Variants in RYR3 observed in about 807,000 individuals in gnomAD.
RYR3 encodes the protein ryanodine receptor 3.
A neutral mutation model predicts 584.3 loss-of-function variants in RYR3; 207 were observed. The observed-to-expected ratio is 0.35, with a 90% CI of 0.32 to 0.40. RYR3 has a LOEUF of 0.40. RYR3 is among the 10% of genes least tolerant of loss of function. The pLI is 1.00. For synonymous variants in RYR3, 2,416 were observed against 2,248.5 expected, an observed-to-expected ratio of 1.07 and a Z score of -2.11; for missense variants, 5,616 against 6,089.2, an observed-to-expected ratio of 0.92 and a Z score of 2.59.
intron 85 of RYR3, 76 bp from the exon 86 acceptor site, chr15:33,830,887 T>C (rs1382561707): frequency 2.0e-6 from 3 of 1,496,540 alleles, no homozygotes; most frequent in East Asian, 4.5e-5. Context: ...GATTATCATG[T>C]ACCCTTCCCA....
chr15:33,506,971 T>A (rs1410755383), intron 3 of RYR3, among the ~76,000 whole-genome samples: 1 of 152,198 alleles, frequency 6.6e-6, no homozygotes, highest in African/African-American at 2.4e-5. Flanking sequence ...GGAGCATTCT[T>A]TGCATGCCAC....
chr15:33,836,698 C>G (rs987703394), intron 87 of RYR3, among the ~76,000 whole-genome samples: 1 of 152,150 alleles, frequency 6.6e-6, no homozygotes, highest in Non-Finnish European at 1.5e-5. Flanking sequence ...TGTAAAGGAG[C>G]TTTGTTGGAT....
chr15:33,724,020 T>C, intron 44 of RYR3, 45 bp from the exon 45 acceptor site: 2 of 1,069,558 alleles, frequency 1.9e-6, no homozygotes. Context: ...AGCATGGCAG[T>C]GCCTGCCAAC....
At chr15:33,423,879 ATTC>A (rs1384893701) in intron 1 of RYR3, among the ~76,000 whole-genome samples, 1 of 152,196 alleles carries the variant, frequency 6.6e-6, no homozygotes, top group East Asian at 1.9e-4. Flanking sequence ...CAGTTGAAGC[ATTC>A]TTCTAAAAAT....
At chr15:33,839,174 C>T (rs1213385977) in intron 89 of RYR3, among the ~76,000 whole-genome samples, 3 of 152,090 alleles carry the variant, frequency 2.0e-5, no homozygotes, top group Admixed American at 6.5e-5. Flanking sequence ...ATTGGTTGGT[C>T]GTCTAGTTTA....
At chr15:33,810,768 A>C in intron 71 of RYR3, 119 bp downstream of exon 71, 1 of 1,300,170 alleles carries the variant, frequency 7.7e-7, no homozygotes, top group Non-Finnish European at 1.1e-6. Flanking sequence ...CGCAGAAACC[A>C]GTGTGTATGG....
intron 2 of RYR3, among the ~76,000 whole-genome samples, chr15:33,486,439 A>G (rs1375451338): frequency 1.3e-5 from 2 of 152,164 alleles, no homozygotes; most frequent in African/African-American, 2.4e-5. Flanking sequence ...TTGTTCGTAT[A>G]AAGGACATCA....
At chr15:33,820,538 C>T (rs2077051370) in intron 77 of RYR3, among the ~76,000 whole-genome samples, 1 of 152,192 alleles carries the variant, frequency 6.6e-6, no homozygotes, top group South Asian at 2.1e-4. Flanking sequence ...TCTGTGTTCT[C>T]ATTTCTCATT....
At position 33,412,573 on chromosome 15, in the gene RYR3, G is replaced by A. The variant is rs577339360; in HGVS notation, c.52-60846G>A. On this transcript the variant is annotated intron_variant, in intron 1 of 103. Coordinates refer to ENST00000634891, the MANE Select transcript of RYR3 (RefSeq NM_001036.6). The surrounding 1 kb of genome is among the most constrained non-coding windows in gnomAD (Gnocchi z 4.3). ...GGAGAGCCCCACGGTTTCTCTTCTG[G>A]GTCTAGGGTTTGTCACCAGGCCCAG... is the stretch of plus-strand genomic sequence containing the variant. Among the ~76,000 whole-genome samples, 1 of 152,162 alleles carries A rather than the reference G, an allele frequency of 6.6e-6. No individual in the cohort carries two copies. Among genetic ancestry groups the A allele is most frequent in the South Asian group, 2.1e-4 (1 of 4,810 alleles).
chr15:33,649,082 A>G lies in RYR3; in HGVS notation c.3989A>G (p.Tyr1330Cys). 1 of 1,613,146 alleles carries G rather than the reference A, an allele frequency of 6.2e-7. No individual in the cohort carries two copies. The highest frequency in any genetic ancestry group is 1.7e-5 in the Admixed American group (1 of 60,024). ...ILSHTTTQCY[Y>C]AIRIFAGQDP... Reference sequence around the variant, plus strand: ...GCGGTCTCTCCACAGCAGTGCTACTACGCCATCCGCATCTTTGCTGGACAG... The same window carrying G: ...GCGGTCTCTCCACAGCAGTGCTACTGCGCCATCCGCATCTTTGCTGGACAG... Residue 1330 changes from tyrosine (Y) to cysteine (C), a missense_variant, in exon 31 of 104, where the codon TAC (tyrosine) becomes TGC (cysteine). By Grantham distance (194) the Tyr-to-Cys change is radical (BLOSUM62 -2). Coordinates refer to ENST00000634891, the MANE Select transcript of RYR3 (RefSeq NM_001036.6).
At chr15:33,598,850 G>C (rs559575549) in intron 16 of RYR3, among the ~76,000 whole-genome samples, 2 of 151,994 alleles carry the variant, frequency 1.3e-5, no homozygotes, top group African/African-American at 2.4e-5. Context: ...TCAGGAGATC[G>C]AGACCATCCT....
chr15:33,500,672 G>A (rs539714340), intron 2 of RYR3, among the ~76,000 whole-genome samples: 79 of 152,200 alleles, frequency 5.2e-4, no homozygotes, highest in African/African-American at 1.7e-3. Flanking sequence ...CACTTGCCCC[G>A]TGCCTGCCAG....
rs368335335 is a variant in RYR3, at chr15:33,659,825, A to T, written c.4395+19A>T. On this transcript the variant is annotated intron_variant, in intron 33 of 103. Transcript: ENST00000634891. ...GCTGAAGGTATTTATTTGTCCTCTC[A>T]TCTAATGGCCATGACAAGAGAAAGC... 11 of 1,506,256 alleles carry T rather than the reference A, an allele frequency of 7.3e-6. No individual in the cohort carries two copies. The South Asian group carries it at 9.1e-5, about 12-fold the overall frequency. 93.3% of individuals were successfully genotyped at this position (1,506,256 alleles called of 1,614,324 possible).
At chr15:33,753,904 G>C (rs2071563312) in intron 57 of RYR3, among the ~76,000 whole-genome samples, 2 of 152,090 alleles carry the variant, frequency 1.3e-5, no homozygotes, top group Admixed American at 1.3e-4. Flanking sequence ...AGGAAGTCAA[G>C]GAAATAGGAG....
At chr15:33,397,470 G>A (rs2042368170) in intron 1 of RYR3, among the ~76,000 whole-genome samples, 1 of 152,206 alleles carries the variant, frequency 6.6e-6, no homozygotes, top group Non-Finnish European at 1.5e-5. Flanking sequence ...TACAAAATCT[G>A]TGTAAACTGG....
intron 61 of RYR3, 49 bp downstream of exon 61, chr15:33,768,756 A>T (rs1166163783): frequency 6.4e-7 from 1 of 1,573,068 alleles, no homozygotes; most frequent in South Asian, 1.1e-5. Context: ...AATTATCTTG[A>T]ACTTGCACTT....
At chr15:33,467,615 T>C (rs2048591777) in intron 1 of RYR3, 1 of 288,206 alleles carries the variant, frequency 3.5e-6, no homozygotes, top group Admixed American at 6.5e-5. Flanking sequence ...CAATGTGAAA[T>C]CTAAGCAAAG....
At chr15:33,603,025 C>T in intron 17 of RYR3, 98 bp from the exon 18 acceptor site, 4 of 1,266,542 alleles carry the variant, frequency 3.2e-6, no homozygotes, top group Non-Finnish European at 4.5e-6. Context: ...TGCTCTTGTC[C>T]TACGTGTAAA....
intron 12 of RYR3, among the ~76,000 whole-genome samples, chr15:33,576,231 A>G (rs969184099): frequency 6.6e-6 from 1 of 152,196 alleles, no homozygotes; most frequent in Non-Finnish European, 1.5e-5. Flanking sequence ...ACTGTTTCAA[A>G]CAATTGAAAA....
Sources: gnomAD v4.1 joint callset for allele counts (sites outside exome capture counted in the v4.1 genomes callset) on GRCh38, gnomAD v4.1.1 for gene constraint, Gnocchi (gnomAD v3.1) non-coding constraint, MANE v1.5 for transcripts, NCBI Gene and HGNC (gene_info 2026-07-23, HGNC 2026-07-21) for gene names.